Variants in SORCS3 observed in about 807,000 individuals in gnomAD.
SORCS3 encodes the protein sortilin related VPS10 domain containing receptor 3, also known as VPS10 domain-containing receptor SorCS3.
Under a neutral mutation model 146.3 loss-of-function variants are expected in SORCS3, and 57 were observed. The observed-to-expected ratio is 0.39, with a 90% confidence interval of 0.31 to 0.49. The LOEUF is 0.49. Ranked by LOEUF, SORCS3 falls within the 20% of genes least tolerant of loss-of-function variation. The pLI is 0.92. For synonymous variants in SORCS3, 653 were observed against 618.5 expected, an observed-to-expected ratio of 1.06 and a Z score of -0.83; for missense variants, 1,341 against 1,575.5, an observed-to-expected ratio of 0.85 and a Z score of 2.52.
chr10:104,900,872 C>T (rs1003559603), intron 2 of SORCS3, among the ~76,000 whole-genome samples: 8 of 120,640 alleles, frequency 6.6e-5, no homozygotes, highest in Admixed American at 1.2e-4. Context: ...CCAGTGTGGG[C>T]GACAGAGCAA....
At chr10:105,222,137 C>A (rs530640667) in intron 19 of SORCS3, among the ~76,000 whole-genome samples, 1 of 144,512 alleles carries the variant, frequency 6.9e-6, no homozygotes, top group African/African-American at 2.6e-5. Flanking sequence ...TGGCTCACTG[C>A]ATCCTCTGAC....
chr10:105,153,286 T>C (rs790752), intron 9 of SORCS3, among the ~76,000 whole-genome samples: 73,012 of 151,970 alleles, frequency 0.48, 18,082 homozygotes, highest in Non-Finnish European at 0.53. Context: ...TTGTTGAATA[T>C]ATTGGTTCCT....
chr10:104,874,863 C>A (rs534449774), intron 2 of SORCS3, among the ~76,000 whole-genome samples: 17 of 152,238 alleles, frequency 1.1e-4, no homozygotes, highest in Non-Finnish European at 1.6e-4. Flanking sequence ...GACCTCATAC[C>A]CTTCAGCTCT....
intron 20 of SORCS3, among the ~76,000 whole-genome samples, chr10:105,227,574 T>C (rs1192420088): frequency 6.6e-6 from 1 of 152,146 alleles, no homozygotes; most frequent in Non-Finnish European, 1.5e-5. Context: ...TGGTCTAATG[T>C]GCAGTTTAAG....
intron 1 of SORCS3, among the ~76,000 whole-genome samples, chr10:104,839,473 C>T (rs1363433868): frequency 3.3e-5 from 5 of 152,132 alleles, no homozygotes; most frequent in Non-Finnish European, 7.4e-5. Context: ...ATGTGTTTGT[C>T]TTACCTGAGG....
chr10:105,026,189 G>A (rs747392432), intron 4 of SORCS3, among the ~76,000 whole-genome samples: 14 of 151,908 alleles, frequency 9.2e-5, no homozygotes, highest in Non-Finnish European at 1.3e-4. Flanking sequence ...ACATCTTATT[G>A]GTGTTACCTC....
At chr10:105,243,645 CT>C (rs2056849661) in intron 20 of SORCS3, among the ~76,000 whole-genome samples, 1 of 152,128 alleles carries the variant, frequency 6.6e-6, no homozygotes, top group African/African-American at 2.4e-5. Flanking sequence ...GAGGTTTGCC[CT>C]TAGTTAAGGG....
chr10:105,255,698 T>G lies in SORCS3; in HGVS notation c.3238-4T>G. The G allele has an allele frequency of 6.2e-7, 1 of 1,609,716 alleles. No individual in the cohort carries two copies. The highest frequency in any genetic ancestry group is 8.5e-7 in the Non-Finnish European group (1 of 1,176,282). On this transcript the variant is annotated splice_polypyrimidine_tract_variant and splice_region_variant and intron_variant, in intron 23 of 26. Coordinates refer to ENST00000369701, the MANE Select transcript of SORCS3 (RefSeq NM_014978.3). The stretch of plus-strand genomic sequence containing the variant: ...ACCCCATGCATCCTGTCTTATTTTT[T>G]CAGATTGTAGAAACACTGTTTAATG...
At chr10:104,958,630 G>T (rs565058650) in intron 3 of SORCS3, among the ~76,000 whole-genome samples, 20 of 152,174 alleles carry the variant, frequency 1.3e-4, no homozygotes, top group Non-Finnish European at 2.8e-4. Flanking sequence ...AGGAAAGTGA[G>T]CAGCCTTTGG....
intron 4 of SORCS3, among the ~76,000 whole-genome samples, chr10:104,977,826 G>A (rs979738272): frequency 3.3e-5 from 5 of 150,414 alleles, no homozygotes; most frequent in African/African-American, 9.8e-5. Flanking sequence ...CTGCCTCCTG[G>A]GTTCAAGCGA....
At chr10:105,101,480 C>T (rs765198578) in intron 6 of SORCS3, among the ~76,000 whole-genome samples, 26 of 152,194 alleles carry the variant, frequency 1.7e-4, no homozygotes, top group Admixed American at 1.1e-3. Context: ...CCAGCTAAGA[C>T]GGCAAGGCCA....
Position 104,840,268 on chromosome 10 carries a change from G to A in SORCS3, c.628-2524G>A, listed in dbSNP as rs188375039. Among the ~76,000 whole-genome samples, 125 of 152,288 alleles carry A rather than the reference G, an allele frequency of 8.2e-4. 1 individual carries two copies. The highest frequency in any genetic ancestry group is 2.8e-3 in the African/African-American group (118 of 41,546). ...AGTGGTTTATCTGCAGAACGCCTGCGTCTTTGCTCATGATGCTTCCTCCAT... is the reference window on the plus strand; with the variant it reads ...AGTGGTTTATCTGCAGAACGCCTGCATCTTTGCTCATGATGCTTCCTCCAT... On this transcript the variant is annotated intron_variant, in intron 1 of 26. Coordinates refer to ENST00000369701, the MANE Select transcript of SORCS3 (RefSeq NM_014978.3).
At chr10:104,707,314 G>A (rs928120711) in intron 1 of SORCS3, among the ~76,000 whole-genome samples, 7 of 152,196 alleles carry the variant, frequency 4.6e-5, no homozygotes, top group African/African-American at 1.4e-4. Context: ...GATTTTATAT[G>A]TAAAGTAATA....
chr10:105,092,869 TTGA>T (rs1196087930), intron 6 of SORCS3, among the ~76,000 whole-genome samples: 1 of 152,140 alleles, frequency 6.6e-6, no homozygotes, highest in Non-Finnish European at 1.5e-5. Flanking sequence ...TAACATCATC[TTGA>T]TGATGAGATA....
chr10:104,807,388 G>A (rs1218511629), intron 1 of SORCS3, among the ~76,000 whole-genome samples: 1 of 152,092 alleles, frequency 6.6e-6, no homozygotes, highest in Non-Finnish European at 1.5e-5. Context: ...ATTTTTATGT[G>A]AATACATTAT....
intron 1 of SORCS3, among the ~76,000 whole-genome samples, chr10:104,832,710 C>T (rs566691374): frequency 2.7e-5 from 4 of 149,484 alleles, no homozygotes; most frequent in Non-Finnish European, 5.9e-5. Context: ...GAGAGTGAAA[C>T]TCCATCTCAA....
chr10:105,117,067 A>G (rs1654623750), intron 7 of SORCS3, among the ~76,000 whole-genome samples: 1 of 152,030 alleles, frequency 6.6e-6, no homozygotes, highest in African/African-American at 2.4e-5. Context: ...AAACTAATGG[A>G]TCAGTACTCT....
At chr10:104,765,757 A>G (rs1377769215) in intron 1 of SORCS3, among the ~76,000 whole-genome samples, 1 of 152,220 alleles carries the variant, frequency 6.6e-6, no homozygotes, top group Non-Finnish European at 1.5e-5. Flanking sequence ...CATTGTACAT[A>G]TTAGCTCATT....
chr10:104,713,645 A>G (rs2016444602), intron 1 of SORCS3, among the ~76,000 whole-genome samples: 1 of 152,186 alleles, frequency 6.6e-6, no homozygotes, highest in Non-Finnish European at 1.5e-5. Flanking sequence ...GATAAATCCC[A>G]TTTGGTTGCA....
Sources: allele counts gnomAD v4.1 joint callset (sites outside exome capture counted in the v4.1 genomes callset), GRCh38; gene constraint gnomAD v4.1.1; transcripts MANE v1.5; gene names NCBI Gene and HGNC (gene_info 2026-07-23, HGNC 2026-07-21).